The following CLN5 variants were observed in gnomAD, a reference collection of about 807,000 sequenced individuals.
CLN5 encodes bis(monoacylglycero)phosphate synthase CLN5.
In CLN5, 34 loss-of-function variants were observed where a neutral mutation model predicts 36.7. The observed-to-expected ratio is 0.93, with a 90% CI of 0.71 to 1.23. The LOEUF is 1.23. CLN5 is among the 50% of genes most tolerant of loss of function. The pLI is 0.00. For missense variants in CLN5, 427 were observed against 439.4 expected, an observed-to-expected ratio of 0.97 and a Z score of 0.25; for synonymous variants, 151 against 155.1, an observed-to-expected ratio of 0.97 and a Z score of 0.20.
chr13:77,000,523 A>T lies in CLN5; in HGVS notation c.631A>T (p.Thr211Ser). 1.2e-6 allele frequency: 2 copies of T among 1,614,126 alleles called. No individual in the cohort carries two copies. Among genetic ancestry groups the T allele is most frequent in the Non-Finnish European group, 1.7e-6 (2 of 1,180,000 alleles). The change falls in exon 4 of 4, where the codon ACA (threonine) becomes TCA (serine). Residue 211 changes from threonine (T) to serine (S), a missense_variant. Transcript: ENST00000377453. ...QDNETGIYYE[T>S]WNVKASPEKG... ...CAATGAAACAGGAATTTATTATGAGACATGGAATGTAAAAGCCAGCCCAGA... is the reference window on the plus strand; with the variant it reads ...CAATGAAACAGGAATTTATTATGAGTCATGGAATGTAAAAGCCAGCCCAGA...
chr13:76,992,142 G>A lies in CLN5; in HGVS notation c.44G>A (p.Arg15Gln). ...VDTAQGAEMR[R>Q]GAGAARGRAS... ...ACGGCACAGGGCGCCGAGATGCGGC[G>A]GGGCGCGGGCGCGGCTCGGGGACGC... Residue 15 changes from arginine (R) to glutamine (Q), a missense_variant, in exon 1 of 4, where the codon CGG becomes CAG. Physicochemically the swap from Arg to Gln is conservative, Grantham distance 43. Transcript: ENST00000377453. The A allele has an allele frequency of 6.2e-7, 1 of 1,608,446 alleles. No homozygotes were observed.
chr13:77,000,952 A>G lies in CLN5; in HGVS notation c.1060A>G (p.Thr354Ala). The G allele has an allele frequency of 1.2e-6, 2 of 1,606,030 alleles. No individual in the cohort carries two copies. Among genetic ancestry groups the G allele is most frequent in the Non-Finnish European group, 1.7e-6 (2 of 1,177,014 alleles). ...AATCCCTTTACCTATCAGAAACAAA[A>G]CACTCTCTGGTTTATAAAACACCTT... is the stretch of plus-strand genomic sequence containing the variant. The part of the protein sequence containing the change: ...EEIPLPIRNK[T>A]LSGL Residue 354 changes from threonine (T) to alanine (A), a missense_variant, in exon 4 of 4, where the codon ACA becomes GCA. By Grantham distance (58) the Thr-to-Ala change is moderately conservative. Transcript: ENST00000377453.
chr13:76,998,275 C>G (rs1487661817), intron 3 of CLN5: 1 of 152,168 alleles, frequency 6.6e-6, no homozygotes, highest in Non-Finnish European at 1.5e-5. Context: ...AATTGTGTTG[C>G]AAGTGCTGCA....
At position 76,992,437 on chromosome 13, in the gene CLN5, G is replaced by A. The variant is rs117438107; in HGVS notation, c.173+166G>A. ...GAGCGCACTTGAGAGCAAAGTTGAG[G>A]ACTGGGGAGTCGCAGCCGCTCGTTA... On this transcript the variant is annotated intron_variant, in intron 1 of 3. Transcript: ENST00000377453. 8.2e-3 allele frequency: 6,366 copies of A among 780,232 alleles called. 60 individuals are homozygous for A. Among genetic ancestry groups the A allele is most frequent in the Middle Eastern group, 0.017 (43 of 2,576 alleles). 48.3% of individuals were successfully genotyped at this position (780,232 alleles called of 1,614,324 possible). A position where few individuals can be genotyped will look rare whatever the true frequency, so the allele number is the denominator to read the frequency against.
In CLN5 at chr13:77,003,975, T is replaced by C. The variant is rs945058786; in HGVS notation, c.*3006T>C. On this transcript the variant is annotated 3_prime_UTR_variant, in exon 4 of 4. Coordinates refer to ENST00000377453, the MANE Select transcript of CLN5 (RefSeq NM_006493.4). ...AAATGTTGTAGATGTATAAAATTTA[T>C]ACATTTTTAGTCTGACTAGGGCTTT... The C allele has an allele frequency of 1.3e-5, 2 of 152,236 alleles. No individual in the cohort carries two copies. The highest frequency in any genetic ancestry group is 2.9e-5 in the Non-Finnish European group (2 of 68,046). 9.4% of individuals were successfully genotyped at this position (152,236 alleles called of 1,614,324 possible).
chr13:76,997,554 A>G (rs926150973), intron 3 of CLN5: 2 of 151,980 alleles, frequency 1.3e-5, no homozygotes, highest in African/African-American at 4.8e-5. Context: ...ATTTTCTCCC[A>G]CTCTGTGGGT....
chr13:76,994,850 A>G (rs1223201710), intron 1 of CLN5: 1 of 501,010 alleles, frequency 2.0e-6, no homozygotes, highest in African/African-American at 2.0e-5. Flanking sequence ...GGAACAGGGA[A>G]GCCCGTATTT....
chr13:76,998,608 C>T (rs2034306897), intron 3 of CLN5: 1 of 152,174 alleles, frequency 6.6e-6, no homozygotes. Flanking sequence ...TATGTTAACT[C>T]ACGGTTCAGT....
chr13:76,998,818 T>G (rs1223365125), intron 3 of CLN5: 1 of 152,250 alleles, frequency 6.6e-6, no homozygotes, highest in Non-Finnish European at 1.5e-5. Context: ...CTAATCAATG[T>G]GCCTTAAACC....
chr13:76,997,442 G>A (rs556924503), intron 3 of CLN5: 3 of 152,286 alleles, frequency 2.0e-5, no homozygotes, highest in East Asian at 3.9e-4. Flanking sequence ...CACCACTCCC[G>A]GCCGTTAACC....
Position 77,000,812 on chromosome 13 carries a change from G to A in CLN5, c.920G>A (p.Ser307Asn), listed in dbSNP as rs1555274374. The A allele has an allele frequency of 1.9e-6, 3 of 1,610,234 alleles. No individual in the cohort carries two copies. The highest frequency in any genetic ancestry group is 2.5e-6 in the Non-Finnish European group (3 of 1,178,604). The change falls in exon 4 of 4, where the codon AGT becomes AAT. Residue 307 changes from serine (S) to asparagine (N), a missense_variant. Coordinates refer to ENST00000377453, the MANE Select transcript of CLN5 (RefSeq NM_006493.4). ...TTGCCAACTAAAGAATTTCTGTTGA[G>A]TCTCTTGCAAATTTTTGATGCAGTG... ...PHLPTKEFLLSLLQIFDAVIV... is the reference protein window; with the variant it reads ...PHLPTKEFLLNLLQIFDAVIV...
intron 1 of CLN5, chr13:76,994,663 G>A (rs1433423884): frequency 5.8e-6 from 1 of 172,230 alleles, no homozygotes; most frequent in African/African-American, 2.4e-5. Flanking sequence ...AATATAAAAT[G>A]TATTCTGTTA....
At position 76,992,094 on chromosome 13, in the gene CLN5, G is replaced by T. The variant is rs1434555998; in HGVS notation, c.-5G>T. The T allele has an allele frequency of 1.2e-6, 2 of 1,611,986 alleles. No homozygotes were observed. The highest frequency in any genetic ancestry group is 8.5e-7 in the Non-Finnish European group (1 of 1,179,458). On this transcript the variant is annotated 5_prime_UTR_variant, in exon 1 of 4. Coordinates refer to ENST00000377453, the MANE Select transcript of CLN5 (RefSeq NM_006493.4). Reference sequence around the variant, plus strand: ...AGAGGCTCCGGAAGTACTGGGTGCAGCCTGATGGCGCAGGAGGTAGACACG... The same window carrying T: ...AGAGGCTCCGGAAGTACTGGGTGCATCCTGATGGCGCAGGAGGTAGACACG...
intron 2 of CLN5, 101 bp downstream of exon 2, chr13:76,995,329 T>A (rs2034247252): frequency 9.4e-7 from 1 of 1,065,330 alleles, no homozygotes; most frequent in Non-Finnish European, 1.5e-6. Flanking sequence ...TGACTTTAGA[T>A]CATGTTGGTG....
chr13:76,994,563 AT>A (rs2034232926), intron 1 of CLN5: 1 of 158,636 alleles, frequency 6.3e-6, no homozygotes, highest in Admixed American at 6.4e-5. Flanking sequence ...CAGTGTTTTA[AT>A]TTTTGTTTCC....
In CLN5 at chr13:77,000,534, A is replaced by T. The variant is rs751496223; in HGVS notation, c.642A>T (p.Val214=). The T allele has an allele frequency of 1.1e-4, 183 of 1,614,028 alleles. No individual in the cohort carries two copies. The highest frequency in any genetic ancestry group is 1.5e-4 in the Non-Finnish European group (172 of 1,180,018). Residue 214 remains valine (V), a synonymous_variant, in exon 4 of 4, where the codon GTA becomes GTT. Transcript: ENST00000377453. ...ETGIYYETWN[V]KASPEKGAET... is the part of the protein sequence containing the mutation. ...GAATTTATTATGAGACATGGAATGTAAAAGCCAGCCCAGAAAAGGGGGCAG... is the reference window on the plus strand; with the variant it reads ...GAATTTATTATGAGACATGGAATGTTAAAGCCAGCCCAGAAAAGGGGGCAG...
In CLN5 at chr13:77,004,785, A is replaced by C. The variant is rs1342681646; in HGVS notation, c.*3816A>C. On this transcript the variant is annotated 3_prime_UTR_variant, in exon 4 of 4. Coordinates refer to ENST00000377453, the MANE Select transcript of CLN5 (RefSeq NM_006493.4). ...TTCTTAAAATGCACTAAATTGACTTAATCTTCAATCATACCTATTTTTTCT... is the reference window on the plus strand; with the variant it reads ...TTCTTAAAATGCACTAAATTGACTTCATCTTCAATCATACCTATTTTTTCT... The C allele has an allele frequency of 6.6e-6, 1 of 152,232 alleles. No individual in the cohort carries two copies. The highest frequency in any genetic ancestry group is 1.5e-5 in the Non-Finnish European group (1 of 68,036). The allele number at this position is 152,232 out of a possible 1,614,324, so 9.4% of individuals were successfully genotyped here. A position where few individuals can be genotyped will look rare whatever the true frequency, so the allele number is the denominator to read the frequency against.
intron 1 of CLN5, chr13:76,992,953 TA>T (rs2154034401): frequency 6.6e-6 from 1 of 152,352 alleles, no homozygotes; most frequent in South Asian, 2.1e-4. Context: ...CAGAGATAGC[TA>T]AACACAGAGA....
rs1013767544 is a variant in CLN5, at chr13:77,004,050, T to C, written c.*3081T>C. The C allele has an allele frequency of 1.3e-5, 2 of 152,110 alleles. No homozygotes were observed. Among genetic ancestry groups the C allele is most frequent in the African/African-American group, 4.8e-5 (2 of 41,374 alleles). 9.4% of individuals were successfully genotyped at this position (152,110 alleles called of 1,614,324 possible). A position where few individuals can be genotyped will look rare whatever the true frequency, so the allele number is the denominator to read the frequency against. ...TCTGGCACAAAATTAGTTAAGTAAG[T>C]ATACCCACAAAGTGTCATCTAATAT... On this transcript the variant is annotated 3_prime_UTR_variant, in exon 4 of 4. Transcript: ENST00000377453.
Sources: allele counts gnomAD v4.1 joint callset, GRCh38; gene constraint gnomAD v4.1.1; transcripts MANE v1.5; gene names NCBI Gene and HGNC (gene_info 2026-07-23, HGNC 2026-07-21).